RBFOX1: variants seen among roughly 807,000 people sequenced by gnomAD.
RBFOX1 encodes the protein RNA binding fox-1 homolog 1, also known as RNA binding protein fox-1 homolog 1.
RBFOX1 carries 8 observed loss-of-function variants against 57.7 expected under a neutral mutation model. The observed-to-expected ratio is 0.14, with a 90% CI of 0.08 to 0.25. RBFOX1 has a LOEUF of 0.25. Among genes scored for constraint, RBFOX1 ranks in the 10% least tolerant of loss-of-function variants. The pLI is 1.00. For synonymous variants in RBFOX1, 326 were observed against 222.4 expected, an observed-to-expected ratio of 1.47 and a Z score of -4.15; for missense variants, 611 against 548.5, an observed-to-expected ratio of 1.11 and a Z score of -1.14.
chr16:5,487,597 C>G (rs12447665), intron 2 of RBFOX1, among the ~76,000 whole-genome samples: 64,288 of 152,002 alleles, frequency 0.42, 14,630 homozygotes, highest in South Asian at 0.59. Context: ...GGCATTGAGA[C>G]TTGTATTTCT....
In RBFOX1 at chr16:6,136,072, G is replaced by A. The variant is rs189568102; in HGVS notation, c.-127+116080G>A. On this transcript the variant is annotated intron_variant, in intron 1 of 15. Coordinates refer to ENST00000550418, the MANE Select transcript of RBFOX1 (RefSeq NM_018723.4). ...GGCCTCCCAACGTGCTGGGATTACAGGCTTGAGCCTCTGTGCCTGGCCTGT... is the reference window on the plus strand; with the variant it reads ...GGCCTCCCAACGTGCTGGGATTACAAGCTTGAGCCTCTGTGCCTGGCCTGT... Among the ~76,000 whole-genome samples the A allele has an allele frequency of 1.2e-3, 185 of 152,246 alleles. 1 individual carries two copies. The highest frequency in any genetic ancestry group is 3.4e-3 in the Middle Eastern group (1 of 294).
intron 1 of RBFOX1, among the ~76,000 whole-genome samples, chr16:6,235,695 A>G (rs2097500847): frequency 6.6e-6 from 1 of 151,948 alleles, no homozygotes; most frequent in Non-Finnish European, 1.5e-5. Flanking sequence ...GAATGAATTA[A>G]TGGCATTCAC....
At chr16:7,067,049 A>C (rs1340967585) in intron 4 of RBFOX1, among the ~76,000 whole-genome samples, 1 of 152,196 alleles carries the variant, frequency 6.6e-6, no homozygotes, top group Non-Finnish European at 1.5e-5. Context: ...AGTAAATAAT[A>C]ATAAGTTAAG....
At chr16:6,478,161 C>A (rs2095303424) in intron 2 of RBFOX1, among the ~76,000 whole-genome samples, 2 of 149,380 alleles carry the variant, frequency 1.3e-5, no homozygotes, top group South Asian at 2.1e-4. Context: ...CCTTTAATAA[C>A]TTTTTCATCA....
chr16:7,217,828 A>G (rs1035749704), intron 4 of RBFOX1, among the ~76,000 whole-genome samples: 1 of 152,106 alleles, frequency 6.6e-6, no homozygotes, highest in African/African-American at 2.4e-5. Flanking sequence ...GACTTACAGC[A>G]TTGTCACTAC....
At chr16:7,156,770 A>G (rs1374577127) in intron 4 of RBFOX1, among the ~76,000 whole-genome samples, 1 of 152,146 alleles carries the variant, frequency 6.6e-6, no homozygotes, top group Non-Finnish European at 1.5e-5. Flanking sequence ...TTTCTACTTC[A>G]AACACTGCAT....
At chr16:5,706,269 G>A (rs879101831) in intron 3 of RBFOX1, among the ~76,000 whole-genome samples, 1 of 152,192 alleles carries the variant, frequency 6.6e-6, no homozygotes, top group African/African-American at 2.4e-5. Context: ...ACGAAAATGT[G>A]TACAGGTGAG....
intron 4 of RBFOX1, among the ~76,000 whole-genome samples, chr16:7,166,620 C>T (rs890674426): frequency 6.6e-6 from 1 of 152,094 alleles, no homozygotes; most frequent in African/African-American, 2.4e-5. Flanking sequence ...CATGGACTGG[C>T]CCTCCTTCGA....
At chr16:6,582,907 C>T (rs1173678579) in intron 2 of RBFOX1, among the ~76,000 whole-genome samples, 1 of 150,886 alleles carries the variant, frequency 6.6e-6, no homozygotes, top group African/African-American at 2.4e-5. Flanking sequence ...TCAATTATTA[C>T]TATTATTTGC....
At chr16:5,864,320 A>G (rs967494289) in intron 3 of RBFOX1, among the ~76,000 whole-genome samples, 1 of 152,200 alleles carries the variant, frequency 6.6e-6, no homozygotes, top group African/African-American at 2.4e-5. Flanking sequence ...GTTTAAACGT[A>G]TATTTAATTT....
chr16:5,926,451 A>G (rs1311299968), intron 4 of RBFOX1, among the ~76,000 whole-genome samples: 1 of 152,136 alleles, frequency 6.6e-6, no homozygotes, highest in Non-Finnish European at 1.5e-5. Flanking sequence ...TAGTGTAGGC[A>G]GGGCAGGAGT....
chr16:5,408,194 G>C (rs934475865), intron 1 of RBFOX1, among the ~76,000 whole-genome samples: 1 of 152,170 alleles, frequency 6.6e-6, no homozygotes, highest in African/African-American at 2.4e-5. Flanking sequence ...GAGCCAGGAG[G>C]AGGCTTTTAT....
chr16:7,442,008 A>G (rs184833398), intron 4 of RBFOX1, among the ~76,000 whole-genome samples: 59 of 152,306 alleles, frequency 3.9e-4, no homozygotes, highest in Admixed American at 2.0e-3. Flanking sequence ...TGTCAGCACA[A>G]ATGAGCTTTT....
chr16:7,401,049 A>G (rs2098233985), intron 4 of RBFOX1, among the ~76,000 whole-genome samples: 1 of 152,222 alleles, frequency 6.6e-6, no homozygotes, highest in Non-Finnish European at 1.5e-5. Context: ...AGCTGATTCG[A>G]GAGGGGGTAT....
intron 2 of RBFOX1, among the ~76,000 whole-genome samples, chr16:5,472,113 C>T (rs941097400): frequency 1.3e-5 from 2 of 152,082 alleles, no homozygotes; most frequent in South Asian, 2.1e-4. Context: ...ACACAGAAAA[C>T]GGGGTGAGAA....
chr16:6,872,741 C>G (rs891829851), intron 3 of RBFOX1, among the ~76,000 whole-genome samples: 2 of 151,920 alleles, frequency 1.3e-5, no homozygotes, highest in Non-Finnish European at 2.9e-5. Flanking sequence ...GTTTTTTGTC[C>G]TTCAGGAGTT....
chr16:7,588,132 T>C (rs2094227088), intron 7 of RBFOX1, among the ~76,000 whole-genome samples: 1 of 152,150 alleles, frequency 6.6e-6, no homozygotes, highest in Non-Finnish European at 1.5e-5. Flanking sequence ...TGAGCTGAGA[T>C]TGCACCACTG....
intron 14 of RBFOX1, among the ~76,000 whole-genome samples, chr16:7,708,053 G>A (rs1472205460): frequency 6.6e-6 from 1 of 152,172 alleles, no homozygotes; most frequent in African/African-American, 2.4e-5. Context: ...AGAGATTCAA[G>A]TATCAGGCTG....
chr16:5,677,170 C>G (rs1309017798), intron 3 of RBFOX1, among the ~76,000 whole-genome samples: 1 of 152,220 alleles, frequency 6.6e-6, no homozygotes, highest in African/African-American at 2.4e-5. Context: ...ATGTTGGTTA[C>G]TATGACAGCT....
Sources: allele counts gnomAD v4.1 joint callset (sites outside exome capture counted in the v4.1 genomes callset), GRCh38; gene constraint gnomAD v4.1.1; transcripts MANE v1.5; gene names NCBI Gene and HGNC (gene_info 2026-07-23, HGNC 2026-07-21).